Variants in NUP62 observed in about 807,000 individuals in gnomAD.
The protein encoded by NUP62 is nucleoporin 62, also known as nuclear pore glycoprotein p62.
For missense variants in NUP62, 647 were observed against 689.4 expected (o/e 0.94, Z 0.69); for synonymous variants, 305 against 303.4 (o/e 1.01, Z -0.05).
chr19:49,912,273 G>A (rs924021735), intron 2 of NUP62, among the ~76,000 whole-genome samples: 7 of 150,320 alleles, frequency 4.7e-5, no homozygotes, highest in African/African-American at 1.2e-4. Flanking sequence ...GGGTTCAAGC[G>A]ATTCTCTCGC....
rs771657444 is a variant in NUP62, at chr19:49,921,486, C to T, written c.-78+6208G>A. Among the ~76,000 whole-genome samples, 3 of 152,164 alleles carry T rather than the reference C, an allele frequency of 2.0e-5. No homozygotes were observed. Among genetic ancestry groups the T allele is most frequent in the Admixed American group, 6.5e-5 (1 of 15,268 alleles). On this transcript the variant is annotated intron_variant, in intron 2 of 2. Coordinates refer to ENST00000352066, the MANE Select transcript of NUP62 (RefSeq NM_016553.5). The surrounding 1 kb of genome is among the most constrained non-coding windows in gnomAD (Gnocchi z 5.4). ...CAAATCCAATTCAGGATGATCCGCCCGCCCCAGCTGCAGACGATGGCCTGA... is the reference window on the plus strand; with the variant it reads ...CAAATCCAATTCAGGATGATCCGCCTGCCCCAGCTGCAGACGATGGCCTGA...
At chr19:49,927,286 C>T (rs889789156) in intron 2 of NUP62, among the ~76,000 whole-genome samples, 1 of 152,128 alleles carries the variant, frequency 6.6e-6, no homozygotes, top group Non-Finnish European at 1.5e-5. Context: ...TATAATCTGG[C>T]TCCAGAGTCT....
intron 2 of NUP62, among the ~76,000 whole-genome samples, chr19:49,920,248 A>C (rs2075732787): frequency 6.6e-6 from 1 of 152,186 alleles, no homozygotes; most frequent in Non-Finnish European, 1.5e-5. Context: ...ACACCCAGCT[A>C]ACTTTTGTAT....
chr19:49,913,575 G>A lies in NUP62; in HGVS notation c.-77-3691C>T, dbSNP rs140649326. ...GCGTTACCACACGCTGTTGCAGGGA[G>A]AACTGAGCACTGTCCGCGGGACTCT... On this transcript the variant is annotated intron_variant, in intron 2 of 2. Coordinates refer to ENST00000352066, the MANE Select transcript of NUP62 (RefSeq NM_016553.5). Among the ~76,000 whole-genome samples the A allele has an allele frequency of 2.5e-3, 382 of 152,384 alleles. 2 individuals are homozygous for A. Among genetic ancestry groups the A allele is most frequent in the Middle Eastern group, 6.8e-3 (2 of 294 alleles).
chr19:49,911,958 C>A (rs528518466), intron 2 of NUP62, among the ~76,000 whole-genome samples: 5 of 152,186 alleles, frequency 3.3e-5, no homozygotes, highest in Non-Finnish European at 5.9e-5. Flanking sequence ...CACCTCAAGC[C>A]GGTGTGTTGT....
At chr19:49,920,827 C>T (rs958868270) in intron 2 of NUP62, among the ~76,000 whole-genome samples, 4 of 152,158 alleles carry the variant, frequency 2.6e-5, no homozygotes, top group African/African-American at 4.8e-5. Context: ...AGCGGACAGG[C>T]GTGTGTGGCG....
intron 2 of NUP62, among the ~76,000 whole-genome samples, chr19:49,914,058 A>T (rs2075554894): frequency 6.6e-6 from 1 of 152,170 alleles, no homozygotes; most frequent in Admixed American, 6.5e-5. Context: ...GTCCAGGTTA[A>T]CAGTGACAGG....
intron 2 of NUP62, among the ~76,000 whole-genome samples, chr19:49,925,222 T>C (rs187203914): frequency 6.4e-4 from 97 of 151,912 alleles, no homozygotes; most frequent in African/African-American, 2.2e-3. Flanking sequence ...GATGGCACCA[T>C]TGCACTCCAG....
At chr19:49,919,811 G>GAATA (rs58937062) in intron 2 of NUP62, among the ~76,000 whole-genome samples, 2 of 151,538 alleles carry the variant, frequency 1.3e-5, no homozygotes, top group African/African-American at 4.9e-5. Context: ...TAATATAAAA[G>GAATA]GACTGGAAGA....
At chr19:49,912,424 C>A (rs989253786) in intron 2 of NUP62, among the ~76,000 whole-genome samples, 1 of 152,174 alleles carries the variant, frequency 6.6e-6, no homozygotes, top group African/African-American at 2.4e-5. Context: ...TTGCCTCGGC[C>A]TCCCAAAGTG....
chr19:49,915,432 C>G (rs2075599254), intron 2 of NUP62, among the ~76,000 whole-genome samples: 1 of 152,182 alleles, frequency 6.6e-6, no homozygotes, highest in African/African-American at 2.4e-5. Flanking sequence ...GCGGCTTCGG[C>G]CTCTAGAGCT....
intron 1 of NUP62, 43 bp from the exon 2 acceptor site, chr19:49,927,858 G>A (rs1274352466): frequency 6.6e-6 from 1 of 152,306 alleles, no homozygotes; most frequent in East Asian, 1.9e-4. Context: ...GCTGGTGGAG[G>A]AGGGCCCAGT....
At position 49,908,163 on chromosome 19, in the gene NUP62, C is replaced by A. The variant is rs2075365070; in HGVS notation, c.*76G>T. On this transcript the variant is annotated 3_prime_UTR_variant, in exon 3 of 3. Transcript: ENST00000352066. Reference sequence around the variant, plus strand: ...CAAACAAACAAGTATCTTGCCACAACCCCAAACTACAGACAACAGGGCGCA... The same window carrying A: ...CAAACAAACAAGTATCTTGCCACAAACCCAAACTACAGACAACAGGGCGCA... 2.5e-6 allele frequency: 4 copies of A among 1,569,252 alleles called. No homozygotes were observed. The highest frequency in any genetic ancestry group is 3.4e-6 in the Non-Finnish European group (4 of 1,161,830).
chr19:49,909,625 T>G lies in NUP62; in HGVS notation c.183A>C (p.Ser61=). 1 of 1,613,824 alleles carries G rather than the reference T, an allele frequency of 6.2e-7. No individual in the cohort carries two copies. Among genetic ancestry groups the G allele is most frequent in the Non-Finnish European group, 8.5e-7 (1 of 1,179,958 alleles). ...ATSTPSTGLF[S]LATQTPATQT... ...GTGTGGCCGGAGTCTGGGTGGCAAG[T>G]GAGAACAGGCCGGTGGAAGGGGTAC... is the stretch of plus-strand genomic sequence containing the variant. Residue 61 remains serine, a synonymous_variant, in exon 3 of 3, where the codon TCA becomes TCC. Coordinates refer to ENST00000352066, the MANE Select transcript of NUP62 (RefSeq NM_016553.5).
intron 2 of NUP62, among the ~76,000 whole-genome samples, chr19:49,926,934 C>T (rs2075908227): frequency 6.6e-6 from 1 of 150,986 alleles, no homozygotes; most frequent in South Asian, 2.1e-4. Context: ...CGGCTTACTG[C>T]AACCTCCGCC....
intron 2 of NUP62, among the ~76,000 whole-genome samples, chr19:49,924,117 G>A (rs760640947): frequency 6.6e-6 from 1 of 150,536 alleles, no homozygotes; most frequent in South Asian, 2.1e-4. Flanking sequence ...TGAGGGTCAG[G>A]GCTTGGAGAC....
chr19:49,923,873 G>A (rs1020980492), intron 2 of NUP62, among the ~76,000 whole-genome samples: 9 of 152,220 alleles, frequency 5.9e-5, no homozygotes, highest in African/African-American at 2.2e-4. Context: ...GAAGGCAGCC[G>A]AGGCTCGGCA....
chr19:49,926,855 CTTTTT>C (rs57084948), intron 2 of NUP62, among the ~76,000 whole-genome samples: 3 of 125,634 alleles, frequency 2.4e-5, no homozygotes. Context: ...GAAGTAGGTA[CTTTTT>C]TTTTTTTTTT....
rs947199221 is a variant in NUP62, at chr19:49,921,243, C to A, written c.-78+6451G>T. Reference sequence around the variant, plus strand: ...CTGAGAAAGGGGAGAGGACTTCAGTCACCTGCGTAAAGTCCCACAACCAGT... The same window carrying A: ...CTGAGAAAGGGGAGAGGACTTCAGTAACCTGCGTAAAGTCCCACAACCAGT... On this transcript the variant is annotated intron_variant, in intron 2 of 2. Transcript: ENST00000352066. This position sits in a 1 kb window ranked among gnomAD's most constrained non-coding sequence, Gnocchi z 5.4. Among the ~76,000 whole-genome samples, 4 of 152,174 alleles carry A rather than the reference C, an allele frequency of 2.6e-5. No homozygotes were observed. The highest frequency in any genetic ancestry group is 4.4e-5 in the Non-Finnish European group (3 of 68,028).
Sources: gnomAD v4.1 joint callset for allele counts (sites outside exome capture counted in the v4.1 genomes callset) on GRCh38, gnomAD v4.1.1 for gene constraint, Gnocchi (gnomAD v3.1) non-coding constraint, MANE v1.5 for transcripts, NCBI Gene and HGNC (gene_info 2026-07-23, HGNC 2026-07-21) for gene names.